Variants in C12orf42 observed in about 807,000 individuals in gnomAD.
The protein encoded by C12orf42 is uncharacterized protein C12orf42.
A neutral mutation model predicts 21.6 loss-of-function variants in C12orf42; 25 were observed. That is an observed-to-expected ratio of 1.16 (90% CI 0.84 to 1.62). The LOEUF (loss-of-function observed/expected upper bound fraction) is 1.62. Among genes scored for constraint, C12orf42 ranks in the 40% most tolerant of loss-of-function variants. The pLI is 0.00. For synonymous variants in C12orf42, 174 were observed against 175.0 expected, an observed-to-expected ratio of 0.99 and a Z score of 0.05; for missense variants, 483 against 459.3, an observed-to-expected ratio of 1.05 and a Z score of -0.47.
the C12orf42 span, among the ~76,000 whole-genome samples, chr12:103,144,340 A>T: frequency 1.3e-5 from 2 of 152,236 alleles, no homozygotes; most frequent in Admixed American, 6.5e-5. Flanking sequence ...GTGCATTTGT[A>T]GGCAACCTTG....
chr12:103,435,162 G>A (rs1158125461), intron 2 of C12orf42, among the ~76,000 whole-genome samples: 2 of 152,060 alleles, frequency 1.3e-5, no homozygotes, highest in East Asian at 1.9e-4. Flanking sequence ...ACACAGCAGG[G>A]TATTCCAACA....
At chr12:103,530,939 A>G in the C12orf42 span, among the ~76,000 whole-genome samples, 1 of 152,218 alleles carries the variant, frequency 6.6e-6, no homozygotes, top group African/African-American at 2.4e-5. Flanking sequence ...GACCATGAAA[A>G]GGAGGGGCAG....
At chr12:103,108,539 T>C in the C12orf42 span, among the ~76,000 whole-genome samples, 3 of 151,958 alleles carry the variant, frequency 2.0e-5, no homozygotes, top group Non-Finnish European at 4.4e-5. Flanking sequence ...AAAATGGTAA[T>C]TTGAAAAAAC....
chr12:103,538,418 C>A, the C12orf42 span, among the ~76,000 whole-genome samples: 1 of 152,152 alleles, frequency 6.6e-6, no homozygotes, highest in East Asian at 1.9e-4. Context: ...CCACGTTTTC[C>A]TCTGTCTCAG....
chr12:103,441,464 T>C (rs1380522791), intron 2 of C12orf42: 1 of 152,184 alleles, frequency 6.6e-6, no homozygotes, highest in Non-Finnish European at 1.5e-5. Context: ...CAAAAATTTC[T>C]CACCTCTTCC....
At chr12:103,066,536 A>G in the C12orf42 span, among the ~76,000 whole-genome samples, 15 of 152,232 alleles carry the variant, frequency 9.9e-5, no homozygotes, top group Non-Finnish European at 4.4e-5. Flanking sequence ...CAGCTGCAGC[A>G]CTATAGCCCC....
the C12orf42 span, among the ~76,000 whole-genome samples, chr12:103,127,525 A>G: frequency 6.6e-6 from 1 of 152,190 alleles, no homozygotes; most frequent in Non-Finnish European, 1.5e-5. Context: ...ACACATGTAC[A>G]TACATACATA....
chr12:103,536,363 G>A, the C12orf42 span, among the ~76,000 whole-genome samples: 2 of 152,154 alleles, frequency 1.3e-5, no homozygotes, highest in African/African-American at 2.4e-5. Flanking sequence ...AAAGGGAAAG[G>A]TATGGGTGTC....
At chr12:103,306,797 GAT>G (rs1190869417) in intron 4 of C12orf42, among the ~76,000 whole-genome samples, 1 of 152,118 alleles carries the variant, frequency 6.6e-6, no homozygotes, top group Non-Finnish European at 1.5e-5. Flanking sequence ...GGTCTTTGAA[GAT>G]GTAACCAAAT....
chr12:103,247,354 C>T (rs1317534373), intron 10 of C12orf42, among the ~76,000 whole-genome samples: 1 of 149,600 alleles, frequency 6.7e-6, no homozygotes, highest in Non-Finnish European at 1.5e-5. Flanking sequence ...TTCTAGACCT[C>T]ATAAAACAGC....
chr12:103,326,684 C>T (rs1331745988), intron 4 of C12orf42, among the ~76,000 whole-genome samples: 1 of 152,186 alleles, frequency 6.6e-6, no homozygotes, highest in African/African-American at 2.4e-5. Context: ...TTGACATTGG[C>T]TCAATCTTCT....
At chr12:103,291,711 T>C (rs1385651002) in intron 4 of C12orf42, among the ~76,000 whole-genome samples, 1 of 152,202 alleles carries the variant, frequency 6.6e-6, no homozygotes, top group Non-Finnish European at 1.5e-5. Context: ...TAAACTGTCA[T>C]GGCACCAGTG....
chr12:103,230,379 A>G, the C12orf42 span, among the ~76,000 whole-genome samples: 1 of 152,190 alleles, frequency 6.6e-6, no homozygotes, highest in Non-Finnish European at 1.5e-5. Flanking sequence ...GAACTACTCT[A>G]GAGCAAGCTG....
At chr12:103,514,506 GC>G in the C12orf42 span, among the ~76,000 whole-genome samples, 12 of 152,280 alleles carry the variant, frequency 7.9e-5, 1 homozygote, top group South Asian at 2.5e-3. Context: ...TGTGACTGGG[GC>G]CCCATGGGGA....
At chr12:103,162,207 G>A in the C12orf42 span, among the ~76,000 whole-genome samples, 21 of 152,120 alleles carry the variant, frequency 1.4e-4, no homozygotes, top group Admixed American at 3.9e-4. Context: ...AGCAGCACTC[G>A]GTAAAGAGGC....
chr12:103,505,274 C>T, the C12orf42 span: 1 of 249,880 alleles, frequency 4.0e-6, no homozygotes, highest in Non-Finnish European at 8.0e-6. Context: ...TGAGCAGACT[C>T]CCCTCACATC....
intron 3 of C12orf42, among the ~76,000 whole-genome samples, chr12:103,382,682 G>C (rs530564244): frequency 2.0e-5 from 3 of 152,320 alleles, no homozygotes; most frequent in African/African-American, 7.2e-5. Context: ...TTATAGCTGA[G>C]AGCAGGTGGC....
chr12:103,189,940 C>T, the C12orf42 span, among the ~76,000 whole-genome samples: 1 of 151,542 alleles, frequency 6.6e-6, no homozygotes, highest in Admixed American at 6.6e-5. Flanking sequence ...TCTGGGTTTT[C>T]CAGAGGGACA....
At chr12:103,440,176 C>A (rs1435846673) in intron 2 of C12orf42, among the ~76,000 whole-genome samples, 1 of 143,640 alleles carries the variant, frequency 7.0e-6, no homozygotes, top group African/African-American at 2.6e-5. Flanking sequence ...CCAAACACTG[C>A]ATATTCTCAC....
Sources: allele counts gnomAD v4.1 joint callset (sites outside exome capture counted in the v4.1 genomes callset), GRCh38; gene constraint gnomAD v4.1.1; transcripts MANE v1.5; gene names NCBI Gene and HGNC (gene_info 2026-07-23, HGNC 2026-07-21).